The following CDS1 variants were observed in gnomAD, a reference collection of about 807,000 sequenced individuals.
CDS1 encodes phosphatidate cytidylyltransferase 1.
A neutral mutation model predicts 62.1 loss-of-function variants in CDS1; 41 were observed. That is an observed-to-expected ratio of 0.66 (90% CI 0.51 to 0.86). The LOEUF is 0.86. Ranked by LOEUF, CDS1 falls within the 40% of genes least tolerant of loss-of-function variation. The pLI is 0.00. For missense variants in CDS1, 470 were observed against 550.1 expected (o/e 0.85, Z 1.46); for synonymous variants, 185 against 192.6 (o/e 0.96, Z 0.32).
At chr4:84,601,997 C>T (rs181662371) in intron 1 of CDS1, among the ~76,000 whole-genome samples, 4 of 152,228 alleles carry the variant, frequency 2.6e-5, no homozygotes, top group East Asian at 1.9e-4. Context: ...TGCACAGTGC[C>T]GCATGGCTCT....
In CDS1 at chr4:84,619,434, A is replaced by C; in HGVS notation, c.481A>C (p.Thr161Pro). The C allele has an allele frequency of 6.3e-7, 1 of 1,578,774 alleles. No homozygotes were observed. Among genetic ancestry groups the C allele is most frequent in the Non-Finnish European group, 8.7e-7 (1 of 1,150,458 alleles). ...TGTAAACTACTTTTTCTATGGAGAG[A>C]CTGTAGCTGATTATTTTGCTACATT... ...LCVNYFFYGE[T>P]VADYFATFVQ... The change falls in exon 5 of 13, where the codon ACT becomes CCT. Residue 161 changes from threonine (T) to proline (P), a missense_variant. By Grantham distance (38) the Thr-to-Pro change is conservative. Coordinates refer to ENST00000295887, the MANE Select transcript of CDS1 (RefSeq NM_001263.4).
chr4:84,619,888 C>T (rs1025657147), intron 5 of CDS1, among the ~76,000 whole-genome samples: 3 of 151,744 alleles, frequency 2.0e-5, no homozygotes, highest in South Asian at 2.1e-4. Flanking sequence ...CAGAATTAGA[C>T]GGGCATAGTG....
At chr4:84,625,208 A>G (rs565851808) in intron 5 of CDS1, among the ~76,000 whole-genome samples, 1 of 152,092 alleles carries the variant, frequency 6.6e-6, no homozygotes, top group Non-Finnish European at 1.5e-5. Context: ...TGCCATAGAC[A>G]TGTTTTACCA....
rs1178686759 is a variant in CDS1, at chr4:84,646,167, T to TA, written c.1256+843dup. Among the ~76,000 whole-genome samples the TA allele has an allele frequency of 3.9e-5, 6 of 152,250 alleles. No homozygotes were observed. In the East Asian group the frequency reaches 1.2e-3, roughly 29 times the overall value. ...AAATTCATATTTAGCAATCCCTAAATACACATTTTAAATATGTACCACAGT... is the reference window on the plus strand; with the variant it reads ...AAATTCATATTTAGCAATCCCTAAATAACACATTTTAAATATGTACCACAGT... On this transcript the variant is annotated intron_variant, in intron 12 of 12. Transcript: ENST00000295887.
rs201583321 is a variant in CDS1 at position 84,609,530 on chromosome 4, G to A, written c.342+5G>A. On this transcript the variant is annotated splice_donor_5th_base_variant and intron_variant, in intron 3 of 12. Coordinates refer to ENST00000295887, the MANE Select transcript of CDS1 (RefSeq NM_001263.4). ...TCCTTCATGCTGATGCTTCTTGTAA[G>A]TTTTTGACTTTTCCCTGAGTGTCTC... 6 of 1,536,252 alleles carry A rather than the reference G, an allele frequency of 3.9e-6. No individual in the cohort carries two copies. The highest frequency in any genetic ancestry group is 5.4e-6 in the Non-Finnish European group (6 of 1,111,376).
At chr4:84,587,927 C>T (rs1048912478) in intron 1 of CDS1, among the ~76,000 whole-genome samples, 3 of 152,132 alleles carry the variant, frequency 2.0e-5, no homozygotes, top group Non-Finnish European at 4.4e-5. Context: ...GTTAGTCTTT[C>T]CTAGATCCAG....
intron 1 of CDS1, among the ~76,000 whole-genome samples, chr4:84,590,291 T>G (rs1258247016): frequency 6.6e-6 from 1 of 152,244 alleles, no homozygotes; most frequent in East Asian, 1.9e-4. Flanking sequence ...TAGAAATTCT[T>G]GTAAACATCA....
Position 84,650,827 on chromosome 4 carries a change from T to C in CDS1, c.*2141T>C, listed in dbSNP as rs1248539088. 1 of 152,220 alleles carries C rather than the reference T, an allele frequency of 6.6e-6. No homozygotes were observed. The highest frequency in any genetic ancestry group is 1.5e-5 in the Non-Finnish European group (1 of 68,034). The allele number at this position is 152,220 out of a possible 1,614,324, so 9.4% of individuals were successfully genotyped here. Reference sequence around the variant, plus strand: ...GATTGACCTTTTTAGCATACTTTTATAGCATGTATATTAAAATAGAATATA... The same window carrying C: ...GATTGACCTTTTTAGCATACTTTTACAGCATGTATATTAAAATAGAATATA... On this transcript the variant is annotated 3_prime_UTR_variant, in exon 13 of 13. Transcript: ENST00000295887.
chr4:84,644,122 C>T (rs960863737), intron 11 of CDS1, among the ~76,000 whole-genome samples: 12 of 152,092 alleles, frequency 7.9e-5, no homozygotes, highest in East Asian at 1.9e-4. Context: ...ACGCGGCCTA[C>T]GGGGTCAGGG....
At chr4:84,633,991 G>A in intron 7 of CDS1, 52 bp downstream of exon 7, 1 of 1,003,758 alleles carries the variant, frequency 1.0e-6, no homozygotes. Flanking sequence ...CACTTTTATA[G>A]TTCTTTAACG....
intron 1 of CDS1, among the ~76,000 whole-genome samples, chr4:84,598,648 A>G (rs1578020234): frequency 6.6e-6 from 1 of 151,996 alleles, no homozygotes; most frequent in Non-Finnish European, 1.5e-5. Flanking sequence ...ATTTTAATTA[A>G]TTTATTTTCA....
chr4:84,618,965 T>C (rs1304461971), intron 4 of CDS1, among the ~76,000 whole-genome samples: 1 of 151,910 alleles, frequency 6.6e-6, no homozygotes, highest in Non-Finnish European at 1.5e-5. Context: ...CCACACATTA[T>C]ACATACATAC....
chr4:84,601,811 G>T (rs1306545311), intron 1 of CDS1, among the ~76,000 whole-genome samples: 4 of 152,082 alleles, frequency 2.6e-5, no homozygotes, highest in Non-Finnish European at 5.9e-5. Context: ...AACACGGGAG[G>T]CTGAGGCAGG....
intron 3 of CDS1, among the ~76,000 whole-genome samples, chr4:84,609,876 T>A (rs11944727): frequency 0.077 from 11,698 of 151,912 alleles, 811 homozygotes; most frequent in African/African-American, 0.18. Flanking sequence ...AAAATAAGCT[T>A]GGAGTAGTGG....
At chr4:84,619,044 T>TACACACACACACAC (rs33991933) in intron 4 of CDS1, among the ~76,000 whole-genome samples, 376 of 140,978 alleles carry the variant, frequency 2.7e-3, no homozygotes, top group South Asian at 4.0e-3. Flanking sequence ...ATTAAATTTA[T>TACACACACACACAC]ACACACACAC....
chr4:84,626,196 A>C (rs75719112), intron 5 of CDS1, among the ~76,000 whole-genome samples: 1 of 152,072 alleles, frequency 6.6e-6, no homozygotes, highest in Non-Finnish European at 1.5e-5. Context: ...AACAAAAAAA[A>C]CATAGAAAAT....
At chr4:84,636,484 G>A (rs950591164) in intron 8 of CDS1, among the ~76,000 whole-genome samples, 1 of 152,070 alleles carries the variant, frequency 6.6e-6, no homozygotes, top group African/African-American at 2.4e-5. Context: ...TCATTTTCTA[G>A]AACTGATTTC....
At chr4:84,593,114 C>T (rs533807213) in intron 1 of CDS1, among the ~76,000 whole-genome samples, 38 of 152,250 alleles carry the variant, frequency 2.5e-4, no homozygotes, top group Non-Finnish European at 4.6e-4. Context: ...GTACTTGAAC[C>T]GTCTCAGAGT....
intron 2 of CDS1, among the ~76,000 whole-genome samples, chr4:84,608,011 TG>T: frequency 6.6e-6 from 1 of 152,142 alleles, no homozygotes; most frequent in Non-Finnish European, 1.5e-5. Context: ...TATGGCACAA[TG>T]GGGATGAAGT....
Sources: allele counts gnomAD v4.1 joint callset (sites outside exome capture counted in the v4.1 genomes callset), GRCh38; gene constraint gnomAD v4.1.1; transcripts MANE v1.5; gene names NCBI Gene and HGNC (gene_info 2026-07-23, HGNC 2026-07-21).